Variants in ENTREP2 observed in about 807,000 individuals in gnomAD.
ENTREP2 encodes the protein protein ENTREP2.
the ENTREP2 span, among the ~76,000 whole-genome samples, chr15:29,189,353 C>T: frequency 6.6e-6 from 1 of 151,462 alleles, no homozygotes; most frequent in African/African-American, 2.4e-5. Context: ...ATGAATACAT[C>T]TGGTGTCAGA....
the ENTREP2 span, among the ~76,000 whole-genome samples, chr15:29,178,658 C>A: frequency 6.6e-6 from 1 of 152,018 alleles, no homozygotes; most frequent in East Asian, 1.9e-4. Flanking sequence ...GATTTGCTGA[C>A]CTCCCTGCCC....
chr15:29,609,576 TC>T, the ENTREP2 span: 2 of 149,860 alleles, frequency 1.3e-5, no homozygotes, highest in Non-Finnish European at 3.0e-5. Context: ...CATACACAGT[TC>T]CCAGAACTGT....
At chr15:29,139,358 G>A in the ENTREP2 span, among the ~76,000 whole-genome samples, 4 of 152,242 alleles carry the variant, frequency 2.6e-5, no homozygotes, top group East Asian at 7.7e-4. Flanking sequence ...CGCTGTGAGC[G>A]GGACGCATGT....
At chr15:29,447,078 G>C in the ENTREP2 span, among the ~76,000 whole-genome samples, 1 of 152,138 alleles carries the variant, frequency 6.6e-6, no homozygotes, top group African/African-American at 2.4e-5. Flanking sequence ...TCTTTGTGGA[G>C]GGGGGTCACT....
the ENTREP2 span, among the ~76,000 whole-genome samples, chr15:29,306,984 G>T: frequency 7.2e-5 from 11 of 152,032 alleles, no homozygotes; most frequent in Non-Finnish European, 1.3e-4. Flanking sequence ...CTGAGATCAG[G>T]CAATCCACCC....
At chr15:29,222,363 G>C in the ENTREP2 span, among the ~76,000 whole-genome samples, 1 of 152,158 alleles carries the variant, frequency 6.6e-6, no homozygotes, top group African/African-American at 2.4e-5. Context: ...AAATTACCAT[G>C]AAAATGGGCA....
the ENTREP2 span, among the ~76,000 whole-genome samples, chr15:29,644,484 G>A: frequency 6.6e-6 from 1 of 152,152 alleles, no homozygotes; most frequent in Non-Finnish European, 1.5e-5. Flanking sequence ...ACGCTCAAAG[G>A]GTTCTGCCTG....
the ENTREP2 span, among the ~76,000 whole-genome samples, chr15:29,667,716 G>C: frequency 6.6e-6 from 1 of 151,462 alleles, no homozygotes; most frequent in African/African-American, 2.4e-5. Context: ...GGCTGGTCTC[G>C]AACTCCTGAC....
At chr15:29,419,605 G>A in the ENTREP2 span, among the ~76,000 whole-genome samples, 10 of 152,268 alleles carry the variant, frequency 6.6e-5, no homozygotes, top group South Asian at 1.2e-3. Context: ...ATCTCAAATC[G>A]TTCAGTAAGC....
the ENTREP2 span, among the ~76,000 whole-genome samples, chr15:29,640,323 G>A: frequency 3.3e-5 from 5 of 152,060 alleles, no homozygotes; most frequent in South Asian, 2.1e-4. Context: ...AAACATAGAA[G>A]ATATAAATAG....
At chr15:29,336,614 G>A in the ENTREP2 span, among the ~76,000 whole-genome samples, 2 of 143,618 alleles carry the variant, frequency 1.4e-5, no homozygotes, top group Non-Finnish European at 3.1e-5. Flanking sequence ...CCCAGCCTTA[G>A]TATGTTTTAA....
the ENTREP2 span, among the ~76,000 whole-genome samples, chr15:29,224,925 G>C: frequency 2.2e-3 from 340 of 152,094 alleles, 1 homozygote; most frequent in African/African-American, 7.9e-3. Context: ...CTGCAGGTCC[G>C]GAGCCCTGCC....
the ENTREP2 span, among the ~76,000 whole-genome samples, chr15:29,158,081 C>G: frequency 6.6e-6 from 1 of 152,194 alleles, no homozygotes; most frequent in African/African-American, 2.4e-5. Context: ...TGTCCTCAAT[C>G]TAGAAATTTC....
chr15:29,138,570 T>TGTGCAC, the ENTREP2 span, among the ~76,000 whole-genome samples: 1 of 114,032 alleles, frequency 8.8e-6, no homozygotes, highest in South Asian at 2.7e-4. Context: ...TGCATGTGTA[T>TGTGCAC]GTGCATGTGC....
chr15:29,664,482 C>T, the ENTREP2 span, among the ~76,000 whole-genome samples: 18 of 151,426 alleles, frequency 1.2e-4, no homozygotes, highest in African/African-American at 3.4e-4. Context: ...TGCGCACTGC[C>T]TGATGTTCCC....
the ENTREP2 span, among the ~76,000 whole-genome samples, chr15:29,515,805 T>C: frequency 6.6e-6 from 1 of 152,176 alleles, no homozygotes; most frequent in Non-Finnish European, 1.5e-5. Context: ...GGGGAATGTA[T>C]CCCCTGGCCA....
the ENTREP2 span, among the ~76,000 whole-genome samples, chr15:29,189,420 C>G: frequency 2.8e-5 from 4 of 142,602 alleles, no homozygotes; most frequent in African/African-American, 1.0e-4. Flanking sequence ...AATTGTCTTG[C>G]TTTTTTTTTT....
At chr15:29,168,129 G>A in the ENTREP2 span, among the ~76,000 whole-genome samples, 1 of 152,176 alleles carries the variant, frequency 6.6e-6, no homozygotes, top group Admixed American at 6.5e-5. Context: ...CTATGAGGAT[G>A]CAAGGGCATA....
At chr15:29,661,420 C>T in the ENTREP2 span, among the ~76,000 whole-genome samples, 4 of 152,168 alleles carry the variant, frequency 2.6e-5, no homozygotes, top group South Asian at 4.2e-4. Flanking sequence ...AGGCTGGTCA[C>T]GAACTCCTGA....
Sources: gnomAD v4.1 joint callset for allele counts (sites outside exome capture counted in the v4.1 genomes callset) on GRCh38, gnomAD v4.1.1 for gene constraint, MANE v1.5 for transcripts, NCBI Gene and HGNC (gene_info 2026-07-23, HGNC 2026-07-21) for gene names.